XPA: variants seen among roughly 807,000 people sequenced by gnomAD.
XPA encodes the protein DNA repair protein complementing XP-A cells.
In XPA, 27 loss-of-function variants were observed where a neutral mutation model predicts 35.7. That is an observed-to-expected ratio of 0.76 (90% CI 0.56 to 1.04). The LOEUF is 1.04. Among genes scored for constraint, XPA ranks in the 50% least tolerant of loss-of-function variants. The pLI is 0.00. For synonymous variants in XPA, 133 were observed against 118.4 expected (o/e 1.12, Z -0.80); for missense variants, 354 against 342.7 (o/e 1.03, Z -0.26).
chr9:97,687,552 A>T (rs1383761886), intron 3 of XPA, among the ~76,000 whole-genome samples: 1 of 152,216 alleles, frequency 6.6e-6, no homozygotes, highest in African/African-American at 2.4e-5. Flanking sequence ...TTACAGCAAG[A>T]GGACCAGTGT....
the XPA span, among the ~76,000 whole-genome samples, chr9:97,665,892 A>G: frequency 6.6e-6 from 1 of 152,202 alleles, no homozygotes; most frequent in Non-Finnish European, 1.5e-5. Context: ...TATGTGTTAT[A>G]TCCTGTATTC....
the XPA span, among the ~76,000 whole-genome samples, chr9:97,656,536 G>A: frequency 6.6e-6 from 1 of 152,144 alleles, no homozygotes; most frequent in East Asian, 1.9e-4. Flanking sequence ...GGCCGACAGA[G>A]CGACACTCTT....
Position 97,684,993 on chromosome 9 carries a change from T to C in XPA, c.603A>G (p.Glu201=). The C allele has an allele frequency of 6.2e-7, 1 of 1,613,746 alleles. No homozygotes were observed. Among genetic ancestry groups the C allele is most frequent in the South Asian group, 1.1e-5 (1 of 91,076 alleles). The change falls in exon 5 of 6, where the codon GAA becomes GAG. Residue 201 remains glutamate (E), a synonymous_variant. Transcript: ENST00000375128. ...TTTCCTGTCGGACTTCCTTTGCTTC[T>C]TCTAATGCTTCTTGACTACCCCAAA... The part of the protein sequence containing the change: ...LEVWGSQEAL[E]EAKEVRQENR...
chr9:97,692,137 CAA>C (rs1262213885), intron 2 of XPA, among the ~76,000 whole-genome samples: 19 of 150,982 alleles, frequency 1.3e-4, no homozygotes, highest in Non-Finnish European at 1.9e-4. Context: ...ACTAAAAGTA[CAA>C]AATTAGCTGG....
chr9:97,664,573 A>T, the XPA span: 4 of 598,562 alleles, frequency 6.7e-6, no homozygotes, highest in Non-Finnish European at 8.7e-6. Context: ...ATCTGGTAGG[A>T]TTGGACATGG....
At chr9:97,679,323 G>C (rs978246928) in intron 5 of XPA, among the ~76,000 whole-genome samples, 5 of 152,144 alleles carry the variant, frequency 3.3e-5, no homozygotes, top group African/African-American at 1.2e-4. Flanking sequence ...GTTAACAGTA[G>C]GTAATCTGGA....
rs997912032 is a variant in XPA at position 97,675,568 on chromosome 9, T to G, written c.693A>C (p.Arg231Ser). 5.6e-6 allele frequency: 9 copies of G among 1,614,024 alleles called. No individual in the cohort carries two copies. Among genetic ancestry groups the G allele is most frequent in the Middle Eastern group, 1.6e-4 (1 of 6,062 alleles). Residue 231 changes from arginine (R) to serine (S), a missense_variant, in exon 6 of 6, where the codon AGA becomes AGC. Transcript: ENST00000375128. ...KKVKELRRAVRSSVWKRETIV... is the reference protein window; with the variant it reads ...KKVKELRRAVSSSVWKRETIV... ...TCGTCTCCCTTTTCCACACGCTGCT[T>G]CTTACTGCTCGCCGCAATTCTGAAA...
chr9:97,696,348 C>T (rs1587754663), intron 1 of XPA, among the ~76,000 whole-genome samples: 1 of 152,136 alleles, frequency 6.6e-6, no homozygotes, highest in East Asian at 1.9e-4. Flanking sequence ...ATTAGTTGAC[C>T]CCAGTGGCAA....
At chr9:97,655,390 TA>T in the XPA span, among the ~76,000 whole-genome samples, 804 of 150,986 alleles carry the variant, frequency 5.3e-3, 8 homozygotes, top group African/African-American at 0.019. Flanking sequence ...TACAATTTCA[TA>T]AAATTTTTTT....
chr9:97,671,287 G>C (rs898411941), downstream of XPA: 1 of 942,144 alleles, frequency 1.1e-6, no homozygotes, highest in Non-Finnish European at 1.6e-6. Flanking sequence ...TTGCTTTCTT[G>C]TAGTATCCTT....
chr9:97,669,255 C>A, the XPA span, among the ~76,000 whole-genome samples: 2 of 151,628 alleles, frequency 1.3e-5, no homozygotes, highest in Non-Finnish European at 2.9e-5. Flanking sequence ...TTTAATTATT[C>A]CTCATTGCTG....
chr9:97,680,253 G>C (rs1828495910), intron 5 of XPA, among the ~76,000 whole-genome samples: 1 of 152,144 alleles, frequency 6.6e-6, no homozygotes, highest in Non-Finnish European at 1.5e-5. Context: ...TTGTTGCCCA[G>C]GCTGGAGTGC....
At chr9:97,672,103 C>T (rs542974378), downstream of XPA, 5 of 152,272 alleles carry the variant, frequency 3.3e-5, no homozygotes, top group African/African-American at 4.8e-5. Context: ...CAAAAAACTA[C>T]GAAGTCCTGA....
Position 97,687,333 on chromosome 9 carries a change from C to T in XPA, c.390-72G>A, listed in dbSNP as rs1309050933. On this transcript the variant is annotated intron_variant, in intron 3 of 5. Transcript: ENST00000375128. ...GCTAAGTTTGCAAATAGCCCAGCAA[C>T]TTAGGGGCACACACAGCAAAAAGGA... The T allele has an allele frequency of 2.8e-5, 38 of 1,359,960 alleles. No homozygotes were observed. The East Asian group carries it at 9.3e-4, about 33-fold the overall frequency. The allele number at this position is 1,359,960 out of a possible 1,614,324, so 84.2% of individuals were successfully genotyped here.
chr9:97,684,138 A>T (rs1326782734), intron 5 of XPA, among the ~76,000 whole-genome samples: 1 of 152,178 alleles, frequency 6.6e-6, no homozygotes, highest in African/African-American at 2.4e-5. Flanking sequence ...CATGGTACCT[A>T]GCACACTTGC....
the XPA span, among the ~76,000 whole-genome samples, chr9:97,658,172 C>T: frequency 6.6e-6 from 1 of 151,952 alleles, no homozygotes; most frequent in African/African-American, 2.4e-5. Context: ...GACACACATC[C>T]ATCCATCCAT....
At chr9:97,680,255 C>G (rs1828496039) in intron 5 of XPA, among the ~76,000 whole-genome samples, 1 of 152,144 alleles carries the variant, frequency 6.6e-6, no homozygotes, top group Admixed American at 6.6e-5. Context: ...GTTGCCCAGG[C>G]TGGAGTGCAA....
At chr9:97,654,790 A>T in the XPA span, 4 of 1,140,854 alleles carry the variant, frequency 3.5e-6, no homozygotes, top group African/African-American at 4.7e-5. Context: ...AATCATTATA[A>T]AGACTTGAAA....
chr9:97,696,102 A>G (rs1170765811), intron 1 of XPA, among the ~76,000 whole-genome samples: 1 of 152,236 alleles, frequency 6.6e-6, no homozygotes, highest in African/African-American at 2.4e-5. Flanking sequence ...CAGTACCATC[A>G]AAAGTAGCTG....
Sources: allele counts gnomAD v4.1 joint callset (sites outside exome capture counted in the v4.1 genomes callset), GRCh38; gene constraint gnomAD v4.1.1; transcripts MANE v1.5; gene names NCBI Gene and HGNC (gene_info 2026-07-23, HGNC 2026-07-21).